The following GPC5 variants were observed in gnomAD, a reference collection of about 807,000 sequenced individuals.
GPC5 encodes the protein glypican-5.
GPC5 carries 47 observed loss-of-function variants against 53.9 expected under a neutral mutation model. That is an observed-to-expected ratio of 0.87 (90% CI 0.69 to 1.11). GPC5 has a LOEUF of 1.11. Ranked by LOEUF, GPC5 falls within the 50% of genes most tolerant of loss-of-function variation. The pLI, the probability that GPC5 is intolerant of heterozygous loss-of-function variation, is 0.00. For synonymous variants in GPC5, 286 were observed against 263.3 expected (o/e 1.09, Z -0.84); for missense variants, 748 against 713.1 (o/e 1.05, Z -0.56).
chr13:91,917,532 C>T (rs557998773), intron 6 of GPC5, among the ~76,000 whole-genome samples: 50 of 152,314 alleles, frequency 3.3e-4, no homozygotes, highest in Non-Finnish European at 5.6e-4. Context: ...CTAGTCAGTG[C>T]CCCAGAGGAG....
At chr13:92,122,083 G>A (rs2041654325) in intron 6 of GPC5, among the ~76,000 whole-genome samples, 1 of 152,046 alleles carries the variant, frequency 6.6e-6, no homozygotes, top group South Asian at 2.1e-4. Context: ...ACATCACATG[G>A]TATACCGAAA....
At chr13:91,953,727 C>G (rs2040048232) in intron 6 of GPC5, among the ~76,000 whole-genome samples, 1 of 152,148 alleles carries the variant, frequency 6.6e-6, no homozygotes, top group East Asian at 1.9e-4. Flanking sequence ...TGGAAATGTT[C>G]CATTTCTTGG....
chr13:92,349,521 C>T (rs576009379), intron 7 of GPC5, among the ~76,000 whole-genome samples: 13 of 149,856 alleles, frequency 8.7e-5, no homozygotes, highest in African/African-American at 2.0e-4. Context: ...GCTGTATTAA[C>T]GAGAAAAAAG....
chr13:92,864,454 A>T (rs1475576304), intron 7 of GPC5, among the ~76,000 whole-genome samples: 1 of 152,204 alleles, frequency 6.6e-6, no homozygotes, highest in Non-Finnish European at 1.5e-5. Context: ...ATATAAGCTC[A>T]GAATGGCATA....
intron 7 of GPC5, among the ~76,000 whole-genome samples, chr13:92,381,880 TTA>T (rs1555331656): frequency 1.9e-4 from 8 of 43,014 alleles, no homozygotes; most frequent in African/African-American, 3.2e-4. Flanking sequence ...ATATATATGA[TTA>T]TATATATTAT....
chr13:91,927,893 C>A (rs939549827), intron 6 of GPC5, among the ~76,000 whole-genome samples: 22 of 152,116 alleles, frequency 1.4e-4, no homozygotes, highest in African/African-American at 4.8e-4. Context: ...AATTATTTTT[C>A]TTCCTTTAAA....
At chr13:92,751,868 C>A (rs972496265) in intron 7 of GPC5, among the ~76,000 whole-genome samples, 1 of 152,182 alleles carries the variant, frequency 6.6e-6, no homozygotes, top group African/African-American at 2.4e-5. Flanking sequence ...GTTTTCACAA[C>A]AGTGGCCAAC....
At chr13:92,643,868 A>G (rs1885675438) in intron 7 of GPC5, among the ~76,000 whole-genome samples, 1 of 132,042 alleles carries the variant, frequency 7.6e-6, no homozygotes, top group African/African-American at 2.5e-5. Context: ...CCTAAAACTT[A>G]AAGTATAATA....
At position 92,089,995 on chromosome 13, in the gene GPC5, C is replaced by T. The variant is rs538315051; in HGVS notation, c.1402-54835C>T. On this transcript the variant is annotated intron_variant, in intron 6 of 7. Coordinates refer to ENST00000377067, the MANE Select transcript of GPC5 (RefSeq NM_004466.6). ...TCATTCAATAAACAGTCATTGAGTT[C>T]GTATCATGTCCCAGGCACTGTTAAA... Among the ~76,000 whole-genome samples the T allele has an allele frequency of 9.9e-5, 15 of 152,194 alleles. No homozygotes were observed. In the East Asian group the frequency reaches 1.5e-3, roughly 16 times the overall value.
At position 91,453,878 on chromosome 13, in the gene GPC5, T is replaced by C. The variant is rs149675418; in HGVS notation, c.325+4956T>C. Among the ~76,000 whole-genome samples the C allele has an allele frequency of 2.1e-3, 318 of 152,208 alleles. 1 individual carries two copies. Among genetic ancestry groups the C allele is most frequent in the African/African-American group, 7.3e-3 (302 of 41,564 alleles). On this transcript the variant is annotated intron_variant, in intron 2 of 7. Transcript: ENST00000377067. The stretch of plus-strand genomic sequence containing the variant: ...CTGGGTGCCAGCATCATTAGGTACT[T>C]AGATTGTACACAGTGTCAAAATGTT...
At chr13:91,937,432 G>T (rs1411861656) in intron 6 of GPC5, among the ~76,000 whole-genome samples, 1 of 151,982 alleles carries the variant, frequency 6.6e-6, no homozygotes, top group African/African-American at 2.4e-5. Flanking sequence ...GTGGGAAATT[G>T]GGCCAGCAAG....
intron 5 of GPC5, among the ~76,000 whole-genome samples, chr13:91,892,737 A>G (rs1456380420): frequency 6.6e-6 from 1 of 151,932 alleles, no homozygotes; most frequent in East Asian, 1.9e-4. Flanking sequence ...TAACAAAATT[A>G]TATTTATGTT....
chr13:92,561,352 C>T (rs7323720), intron 7 of GPC5, among the ~76,000 whole-genome samples: 1,571 of 152,048 alleles, frequency 0.01, 31 homozygotes, highest in African/African-American at 0.036. Flanking sequence ...TGGTTGAGCG[C>T]GTGGTCTCTG....
intron 6 of GPC5, among the ~76,000 whole-genome samples, chr13:91,982,683 A>C (rs1216718219): frequency 1.3e-5 from 2 of 152,168 alleles, no homozygotes; most frequent in Non-Finnish European, 2.9e-5. Context: ...TTTAAGAAGG[A>C]GAAAGTGATA....
At chr13:92,385,365 T>TATCTAC (rs2043785513) in intron 7 of GPC5, among the ~76,000 whole-genome samples, 1 of 46,784 alleles carries the variant, frequency 2.1e-5, no homozygotes, top group Non-Finnish European at 5.3e-5. Context: ...CATATATACA[T>TATCTAC]ATATATACAT....
chr13:91,737,807 T>C (rs932331280), intron 4 of GPC5, among the ~76,000 whole-genome samples: 2 of 151,442 alleles, frequency 1.3e-5, no homozygotes, highest in Admixed American at 1.3e-4. Context: ...TTTGAGGTAA[T>C]GTTAATATAA....
At chr13:92,581,879 A>C (rs1883385267) in intron 7 of GPC5, among the ~76,000 whole-genome samples, 2 of 152,028 alleles carry the variant, frequency 1.3e-5, no homozygotes, top group South Asian at 4.1e-4. Context: ...ACGTCTATTC[A>C]TATCTTTTGC....
chr13:92,337,840 G>A (rs933592695), intron 7 of GPC5, among the ~76,000 whole-genome samples: 2 of 152,022 alleles, frequency 1.3e-5, no homozygotes, highest in African/African-American at 2.4e-5. Context: ...AATGTAAAAC[G>A]CAAAATTATA....
intron 2 of GPC5, among the ~76,000 whole-genome samples, chr13:91,671,262 T>A (rs922724642): frequency 6.6e-6 from 1 of 152,192 alleles, no homozygotes; most frequent in Non-Finnish European, 1.5e-5. Flanking sequence ...GTTTTAGAGT[T>A]ATGCAAAGTA....
Sources: gnomAD v4.1 joint callset for allele counts (sites outside exome capture counted in the v4.1 genomes callset) on GRCh38, gnomAD v4.1.1 for gene constraint, MANE v1.5 for transcripts, NCBI Gene and HGNC (gene_info 2026-07-23, HGNC 2026-07-21) for gene names.